The following CCSER1 variants were observed in gnomAD, a reference collection of about 807,000 sequenced individuals.
CCSER1 encodes coiled-coil serine rich protein 1.
CCSER1 carries 41 observed loss-of-function variants against 82.0 expected under a neutral mutation model. That is an observed-to-expected ratio of 0.50 (90% CI 0.39 to 0.65). The LOEUF (loss-of-function observed/expected upper bound fraction) is 0.65, where lower values mean the gene tolerates loss of function less well. CCSER1 is among the 30% of genes least tolerant of loss of function. The pLI is 0.00. For synonymous variants in CCSER1, 414 were observed against 383.9 expected (o/e 1.08, Z -0.92); for missense variants, 1,119 against 1,064.2 (o/e 1.05, Z -0.72).
intron 10 of CCSER1, among the ~76,000 whole-genome samples, chr4:91,443,437 T>C (rs1354924895): frequency 1.4e-5 from 2 of 140,504 alleles, no homozygotes; most frequent in African/African-American, 5.3e-5. Flanking sequence ...TTCTCACTCA[T>C]ATGTGGGAAT....
chr4:90,605,888 T>C (rs7688890), intron 5 of CCSER1, among the ~76,000 whole-genome samples: 50,308 of 151,902 alleles, frequency 0.33, 9,459 homozygotes, highest in African/African-American at 0.51. Context: ...ATATTTCTAG[T>C]TTTATAGTGC....
Position 91,520,719 on chromosome 4 carries a change from A to G in CCSER1, c.2218-77853A>G, listed in dbSNP as rs185058990. ...TTGTAAGATAGGTCTGCTGGCAACA[A>G]ATTCCCTTAGTTTCCTTTTTTCTTT... On this transcript the variant is annotated intron_variant, in intron 10 of 10. Transcript: ENST00000509176. 1.6e-3 allele frequency among the ~76,000 whole-genome samples: 236 copies of G among 152,228 alleles called. 2 individuals carry two copies. Among genetic ancestry groups the G allele is most frequent in the African/African-American group, 5.4e-3 (224 of 41,550 alleles).
chr4:90,353,404 A>G (rs1743856592), intron 3 of CCSER1, among the ~76,000 whole-genome samples: 1 of 152,056 alleles, frequency 6.6e-6, no homozygotes, highest in Admixed American at 6.6e-5. Flanking sequence ...TTAAATAGTC[A>G]CTCAAGAAGT....
intron 9 of CCSER1, among the ~76,000 whole-genome samples, chr4:91,049,247 T>G (rs1351008276): frequency 1.3e-5 from 2 of 152,180 alleles, no homozygotes; most frequent in Admixed American, 6.5e-5. Context: ...ACAATGATAA[T>G]AAATAGAGGT....
intron 10 of CCSER1, among the ~76,000 whole-genome samples, chr4:91,219,283 T>C (rs970789948): frequency 6.6e-6 from 1 of 150,528 alleles, no homozygotes; most frequent in African/African-American, 2.5e-5. Context: ...CAAATAAAAG[T>C]GAATAGTCAA....
chr4:90,411,877 T>A (rs1476175724), intron 4 of CCSER1, among the ~76,000 whole-genome samples: 2 of 152,094 alleles, frequency 1.3e-5, no homozygotes, highest in Admixed American at 1.3e-4. Context: ...AAAACCCCAT[T>A]GTCTCAGCCC....
At chr4:90,819,139 C>T (rs1193086855) in intron 8 of CCSER1, among the ~76,000 whole-genome samples, 1 of 152,020 alleles carries the variant, frequency 6.6e-6, no homozygotes, top group Non-Finnish European at 1.5e-5. Flanking sequence ...CATGGTCTTT[C>T]CTTGGTGCAT....
chr4:91,107,083 A>T (rs1270717237), intron 10 of CCSER1, among the ~76,000 whole-genome samples: 1 of 152,178 alleles, frequency 6.6e-6, no homozygotes, highest in Non-Finnish European at 1.5e-5. Context: ...ACAAATATTT[A>T]ACACTGTGTT....
intron 10 of CCSER1, among the ~76,000 whole-genome samples, chr4:91,511,248 T>TGAGTA (rs889978900): frequency 2.6e-5 from 4 of 152,166 alleles, no homozygotes; most frequent in African/African-American, 9.7e-5. Flanking sequence ...AGTCTAAAGT[T>TGAGTA]GAGTAATATG....
At chr4:91,151,009 C>G (rs1730127801) in intron 10 of CCSER1, among the ~76,000 whole-genome samples, 1 of 152,128 alleles carries the variant, frequency 6.6e-6, no homozygotes, top group Non-Finnish European at 1.5e-5. Context: ...AGGATTCCCT[C>G]TTTTTTTATT....
chr4:90,835,247 C>G (rs1761651113), intron 8 of CCSER1, among the ~76,000 whole-genome samples: 1 of 152,110 alleles, frequency 6.6e-6, no homozygotes, highest in East Asian at 1.9e-4. Flanking sequence ...AGGAGAATGG[C>G]GTGAACCCGG....
intron 10 of CCSER1, among the ~76,000 whole-genome samples, chr4:91,515,000 AAAAAACACCCTCAC>A (rs1479127187): frequency 1.3e-5 from 2 of 152,302 alleles, no homozygotes; most frequent in Admixed American, 1.3e-4. Context: ...TAAGCTTATC[AAAAAACACCCTCAC>A]AAAAACACCC....
intron 1 of CCSER1, among the ~76,000 whole-genome samples, chr4:90,148,927 A>G (rs1218045505): frequency 4.6e-5 from 7 of 152,122 alleles, no homozygotes; most frequent in Non-Finnish European, 2.9e-5. Context: ...GCTTATTTTT[A>G]CAAGTAGGTC....
At chr4:90,964,333 G>C (rs1382999778) in intron 9 of CCSER1, among the ~76,000 whole-genome samples, 1 of 151,962 alleles carries the variant, frequency 6.6e-6, no homozygotes, top group African/African-American at 2.4e-5. Context: ...GAACTGCCTG[G>C]TAATAGAGAA....
chr4:91,465,502 C>T (rs1324556046), intron 10 of CCSER1, among the ~76,000 whole-genome samples: 1 of 152,046 alleles, frequency 6.6e-6, no homozygotes, highest in African/African-American at 2.4e-5. Context: ...TAACTAAGAT[C>T]AGAGCAGAAC....
chr4:90,307,506 G>A (rs1450552140), intron 1 of CCSER1, among the ~76,000 whole-genome samples: 2 of 108,346 alleles, frequency 1.8e-5, no homozygotes, highest in South Asian at 7.8e-4. Flanking sequence ...GTCCTGGGGT[G>A]GGGGGAGGGG....
At chr4:90,845,688 A>C (rs1447710934) in intron 8 of CCSER1, among the ~76,000 whole-genome samples, 1 of 152,136 alleles carries the variant, frequency 6.6e-6, no homozygotes, top group Admixed American at 6.5e-5. Flanking sequence ...TTCATATTAA[A>C]TATATTTGTT....
At chr4:90,419,037 G>A (rs1756254617) in intron 4 of CCSER1, among the ~76,000 whole-genome samples, 1 of 151,858 alleles carries the variant, frequency 6.6e-6, no homozygotes, top group African/African-American at 2.4e-5. Context: ...GCTATTCTTG[G>A]GTTTCAATTA....
At chr4:91,411,739 C>A (rs1327262255) in intron 10 of CCSER1, among the ~76,000 whole-genome samples, 29 of 69,084 alleles carry the variant, frequency 4.2e-4, no homozygotes, top group African/African-American at 2.5e-3. Flanking sequence ...GATATTGGAG[C>A]TAGTGGCACA....
Sources: gnomAD v4.1 joint callset for allele counts (sites outside exome capture counted in the v4.1 genomes callset) on GRCh38, gnomAD v4.1.1 for gene constraint, MANE v1.5 for transcripts, NCBI Gene and HGNC (gene_info 2026-07-23, HGNC 2026-07-21) for gene names.